Variants in UNC5C observed in about 807,000 individuals in gnomAD.
UNC5C encodes the protein unc-5 netrin receptor C, also known as netrin receptor UNC5C.
Under a neutral mutation model 99.8 loss-of-function variants are expected in UNC5C, and 47 were observed. The ratio of observed to expected loss-of-function variants is 0.47; its 90% CI spans 0.37 to 0.60. The LOEUF (loss-of-function observed/expected upper bound fraction) is 0.60, where lower values mean the gene tolerates loss of function less well. Among genes scored for constraint, UNC5C ranks in the 20% least tolerant of loss-of-function variants. The pLI, the probability that UNC5C is intolerant of heterozygous loss-of-function variation, is 0.00. For synonymous variants in UNC5C, 487 were observed against 452.2 expected, an observed-to-expected ratio of 1.08 and a Z score of -0.98; for missense variants, 1,062 against 1,165.9, an observed-to-expected ratio of 0.91 and a Z score of 1.30.
chr4:95,205,380 T>C (rs1341400420), intron 11 of UNC5C, among the ~76,000 whole-genome samples: 1 of 152,160 alleles, frequency 6.6e-6, no homozygotes, highest in Non-Finnish European at 1.5e-5. Flanking sequence ...TAACTCAACA[T>C]AAAGTGTATT....
intron 1 of UNC5C, among the ~76,000 whole-genome samples, chr4:95,385,702 C>G (rs987140964): frequency 6.6e-6 from 1 of 152,104 alleles, no homozygotes; most frequent in African/African-American, 2.4e-5. Context: ...AGGTCCAGTC[C>G]CATCATGATT....
chr4:95,529,503 A>G (rs576435087), intron 1 of UNC5C, among the ~76,000 whole-genome samples: 10 of 151,948 alleles, frequency 6.6e-5, no homozygotes, highest in African/African-American at 2.4e-4. Flanking sequence ...AGGCAGGTAC[A>G]CTGCTTGAGA....
At chr4:95,193,985 A>G (rs1737269972) in intron 12 of UNC5C, among the ~76,000 whole-genome samples, 1 of 152,022 alleles carries the variant, frequency 6.6e-6, no homozygotes, top group Non-Finnish European at 1.5e-5. Flanking sequence ...CTTCTTCCCT[A>G]ATAATAACAA....
At chr4:95,281,586 A>G (rs1348673166) in intron 3 of UNC5C, among the ~76,000 whole-genome samples, 2 of 152,214 alleles carry the variant, frequency 1.3e-5, no homozygotes, top group Non-Finnish European at 2.9e-5. Flanking sequence ...AAGCAATTCT[A>G]GAAATAAATA....
chr4:95,384,886 T>A (rs769139838), intron 1 of UNC5C, among the ~76,000 whole-genome samples: 4 of 152,184 alleles, frequency 2.6e-5, no homozygotes, highest in Non-Finnish European at 4.4e-5. Flanking sequence ...TTGTATGTGG[T>A]TACTAGAGGG....
intron 1 of UNC5C, among the ~76,000 whole-genome samples, chr4:95,438,926 T>C (rs1746867930): frequency 6.6e-6 from 1 of 152,160 alleles, no homozygotes; most frequent in Non-Finnish European, 1.5e-5. Flanking sequence ...TCCATAATCA[T>C]TGAGGAAACC....
rs753074249 is a variant in UNC5C, at chr4:95,478,108, A to G, written c.124+70626T>C. Among the ~76,000 whole-genome samples, 14 of 152,056 alleles carry G rather than the reference A, an allele frequency of 9.2e-5. No individual in the cohort carries two copies. In the Middle Eastern group the frequency reaches 0.01, roughly 111 times the overall value. On this transcript the variant is annotated intron_variant, in intron 1 of 15. Transcript: ENST00000453304. ...TACCACTCCCAAAACCCAATACCAA[A>G]TTTGAACAAGTCTTTATTAGTCCTT...
chr4:95,439,934 G>T (rs1746900892), intron 1 of UNC5C, among the ~76,000 whole-genome samples: 3 of 152,176 alleles, frequency 2.0e-5, no homozygotes, highest in African/African-American at 7.2e-5. Context: ...AGGAAAAAAA[G>T]AGAGAATACA....
chr4:95,489,231 G>C (rs575545380), intron 1 of UNC5C, among the ~76,000 whole-genome samples: 2 of 151,610 alleles, frequency 1.3e-5, no homozygotes, highest in African/African-American at 4.8e-5. Flanking sequence ...ACAAATGCCT[G>C]TAAGAAAGGA....
chr4:95,503,092 G>A (rs1560486667), intron 1 of UNC5C, among the ~76,000 whole-genome samples: 1 of 152,116 alleles, frequency 6.6e-6, no homozygotes, highest in Non-Finnish European at 1.5e-5. Context: ...TTGGAAACTT[G>A]ATCCCCTATA....
At chr4:95,356,493 A>C (rs1744209194) in intron 1 of UNC5C, among the ~76,000 whole-genome samples, 1 of 152,182 alleles carries the variant, frequency 6.6e-6, no homozygotes, top group African/African-American at 2.4e-5. Context: ...GGTTCCAGCC[A>C]CATTCATAAT....
chr4:95,461,939 T>G (rs1490010447), intron 1 of UNC5C, among the ~76,000 whole-genome samples: 1 of 152,244 alleles, frequency 6.6e-6, no homozygotes, highest in Non-Finnish European at 1.5e-5. Flanking sequence ...TTTCTTTTTT[T>G]ATCTTGTGGT....
intron 1 of UNC5C, among the ~76,000 whole-genome samples, chr4:95,436,222 T>C (rs907179838): frequency 6.6e-6 from 1 of 151,782 alleles, no homozygotes; most frequent in Non-Finnish European, 1.5e-5. Flanking sequence ...ATAGGATCAA[T>C]CATTAACAGC....
At chr4:95,223,507 G>T (rs1326448704) in intron 7 of UNC5C, among the ~76,000 whole-genome samples, 1 of 152,204 alleles carries the variant, frequency 6.6e-6, no homozygotes. Context: ...TTACCTATTT[G>T]GGGGAACTAA....
At chr4:95,493,595 G>A (rs1276929382) in intron 1 of UNC5C, among the ~76,000 whole-genome samples, 2 of 151,058 alleles carry the variant, frequency 1.3e-5, no homozygotes, top group African/African-American at 2.4e-5. Context: ...CACACACTAA[G>A]TTTTAAAAAA....
chr4:95,396,246 T>A (rs571728161), intron 1 of UNC5C, among the ~76,000 whole-genome samples: 1 of 152,304 alleles, frequency 6.6e-6, no homozygotes, highest in African/African-American at 2.4e-5. Flanking sequence ...TGCTCATTAA[T>A]TAGCTCTATC....
In UNC5C at chr4:95,388,574, CCTT is replaced by C. The variant is rs1470600299; in HGVS notation, c.125-52946_125-52944del. Among the ~76,000 whole-genome samples the C allele has an allele frequency of 2.6e-5, 4 of 152,156 alleles. No homozygotes were observed. In the East Asian group the frequency reaches 5.8e-4, roughly 22 times the overall value. ...AATGGTCACGTACAGTATTTGCTTT[CCTT>C]CTTCTTAACTCCTGGTGATGAGTTT... On this transcript the variant is annotated intron_variant, in intron 1 of 15. Transcript: ENST00000453304.
At chr4:95,306,993 A>C (rs1247795145) in intron 2 of UNC5C, among the ~76,000 whole-genome samples, 2 of 152,214 alleles carry the variant, frequency 1.3e-5, no homozygotes, top group African/African-American at 2.4e-5. Context: ...GAAACATATC[A>C]GTTCTAGATG....
chr4:95,278,020 G>A (rs1740922218), intron 4 of UNC5C, among the ~76,000 whole-genome samples: 1 of 152,178 alleles, frequency 6.6e-6, no homozygotes, highest in South Asian at 2.1e-4. Context: ...TTTCTTGAAA[G>A]AGAATGACAA....
Sources: gnomAD v4.1 joint callset for allele counts (sites outside exome capture counted in the v4.1 genomes callset) on GRCh38, gnomAD v4.1.1 for gene constraint, MANE v1.5 for transcripts, NCBI Gene and HGNC (gene_info 2026-07-23, HGNC 2026-07-21) for gene names.